The following NOP9 variants were observed in gnomAD, a reference collection of about 807,000 sequenced individuals.
The protein encoded by NOP9 is NOP9 nucleolar protein, also known as nucleolar protein 9.
In NOP9, 50 loss-of-function variants were observed where a neutral mutation model predicts 63.0. That is an observed-to-expected ratio of 0.79 (90% CI 0.63 to 1.00). NOP9 has a LOEUF of 1.00. Ranked by LOEUF, NOP9 falls within the 50% of genes least tolerant of loss-of-function variation. The pLI is 0.00. For synonymous variants in NOP9, 343 were observed against 332.8 expected (o/e 1.03, Z -0.33); for missense variants, 758 against 803.0 (o/e 0.94, Z 0.68).
chr14:24,281,571 A>G, the NOP9 span, among the ~76,000 whole-genome samples: 1 of 152,228 alleles, frequency 6.6e-6, no homozygotes, highest in Admixed American at 6.5e-5. Flanking sequence ...CTCTAACACT[A>G]GTCAAGAGCC....
intron 9 of NOP9, 50 bp downstream of exon 9, chr14:24,304,648 C>T (rs781186930): frequency 7.4e-7 from 1 of 1,355,878 alleles, no homozygotes; most frequent in Non-Finnish European, 1.0e-6. Flanking sequence ...CCCTCTCTTA[C>T]TCCAGATCAC....
At chr14:24,287,692 A>C in the NOP9 span, among the ~76,000 whole-genome samples, 1 of 152,148 alleles carries the variant, frequency 6.6e-6, no homozygotes, top group Non-Finnish European at 1.5e-5. Flanking sequence ...ACAAACAAAC[A>C]AACAAAAAAC....
chr14:24,292,018 G>T, the NOP9 span: 1 of 879,582 alleles, frequency 1.1e-6, no homozygotes, highest in East Asian at 2.5e-5. Context: ...CTGTAGAATG[G>T]AGCTGGTATC....
chr14:24,296,597 C>T, upstream of NOP9: 2 of 1,613,660 alleles, frequency 1.2e-6, no homozygotes, highest in Non-Finnish European at 1.7e-6. Flanking sequence ...GTCTGGAAGG[C>T]ACAGGGAGGG....
At position 24,299,897 on chromosome 14, in the gene NOP9, T is replaced by G; in HGVS notation, c.-58T>G. ...TGGATAAGGCGCACGCTTGGCGACG[T>G]CGAAGGTCCGTCCGCAGTTAAGGAA... On this transcript the variant is annotated 5_prime_UTR_variant, in exon 1 of 10. Transcript: ENST00000267425. 1 of 1,498,732 alleles carries G rather than the reference T, an allele frequency of 6.7e-7. No individual in the cohort carries two copies. Among genetic ancestry groups the G allele is most frequent in the Non-Finnish European group, 8.9e-7 (1 of 1,126,822 alleles). The allele number at this position is 1,498,732 out of a possible 1,614,324, so 92.8% of individuals were successfully genotyped here. A position where few individuals can be genotyped will look rare whatever the true frequency, so the allele number is the denominator to read the frequency against.
At chr14:24,296,922 G>A, upstream of NOP9, 1 of 1,611,654 alleles carries the variant, frequency 6.2e-7, no homozygotes, top group Non-Finnish European at 8.5e-7. Context: ...TTCACACATG[G>A]GTGTGAGTCA....
chr14:24,280,014 G>A, the NOP9 span, among the ~76,000 whole-genome samples: 1 of 152,150 alleles, frequency 6.6e-6, no homozygotes, highest in Non-Finnish European at 1.5e-5. Context: ...CTCCTTTTGG[G>A]GGAGCACTCA....
the NOP9 span, chr14:24,290,882 C>A: frequency 1.2e-6 from 2 of 1,613,764 alleles, no homozygotes; most frequent in Non-Finnish European, 8.5e-7. Context: ...GTGTAGAGGG[C>A]AATAATCCAC....
chr14:24,273,129 A>ATG, the NOP9 span, among the ~76,000 whole-genome samples: 4 of 151,350 alleles, frequency 2.6e-5, no homozygotes, highest in African/African-American at 9.7e-5. Context: ...TCCATGTGGC[A>ATG]TGTGTGTGTT....
the NOP9 span, among the ~76,000 whole-genome samples, chr14:24,289,680 C>T: frequency 6.6e-6 from 1 of 152,230 alleles, no homozygotes. Flanking sequence ...ATAAGCCAGC[C>T]CTCTCTCTAA....
intron 6 of NOP9, 109 bp from the exon 7 acceptor site, chr14:24,303,623 A>T (rs4981501): frequency 0.29 from 329,156 of 1,117,530 alleles, 56,089 homozygotes; most frequent in East Asian, 0.71. Context: ...CATGGAGCTA[A>T]CATTCTTGTG....
chr14:24,299,873 G>A lies in NOP9; in HGVS notation c.-82G>A. On this transcript the variant is annotated 5_prime_UTR_variant, in exon 1 of 10. Coordinates refer to ENST00000267425, the MANE Select transcript of NOP9 (RefSeq NM_174913.3). ...GCGCCCGCGTTTCTAAACTTTGTCT[G>A]GATAAGGCGCACGCTTGGCGACGTC... 1.4e-6 allele frequency: 2 copies of A among 1,465,810 alleles called. No individual in the cohort carries two copies. Among genetic ancestry groups the A allele is most frequent in the Non-Finnish European group, 9.0e-7 (1 of 1,109,362 alleles). 90.8% of individuals were successfully genotyped at this position (1,465,810 alleles called of 1,614,324 possible).
Position 24,307,990 on chromosome 14 carries a change from G to T in NOP9, c.*2895G>T, listed in dbSNP as rs1399792473. 9.6e-6 allele frequency: 8 copies of T among 832,130 alleles called. No individual in the cohort carries two copies. The East Asian group carries it at 2.2e-4, about 22-fold the overall frequency. The allele number at this position is 832,130 out of a possible 1,614,324, so 51.5% of individuals were successfully genotyped here. On this transcript the variant is annotated 3_prime_UTR_variant, in exon 10 of 10. Coordinates refer to ENST00000267425, the MANE Select transcript of NOP9 (RefSeq NM_174913.3). ...ACAAGGTGGGAATGAGTCAAGCCTG[G>T]ACTCTGGCCCCCCTGCCTGGCCAGT...
chr14:24,276,314 T>C, the NOP9 span, among the ~76,000 whole-genome samples: 1 of 150,002 alleles, frequency 6.7e-6, no homozygotes, highest in East Asian at 2.0e-4. Context: ...GAGGTGGAGG[T>C]TGCAGTGAGC....
rs774123412 is a variant in NOP9, at chr14:24,306,488, G to C, written c.*1393G>C. ...CAGTTCCATCCTCCTCTAGCACCAG[G>C]GTTAGCACTCCATTCAGCAGTAGGG... On this transcript the variant is annotated 3_prime_UTR_variant, in exon 10 of 10. Coordinates refer to ENST00000267425, the MANE Select transcript of NOP9 (RefSeq NM_174913.3). 2 of 1,614,212 alleles carry C rather than the reference G, an allele frequency of 1.2e-6. No homozygotes were observed. Among genetic ancestry groups the C allele is most frequent in the South Asian group, 2.2e-5 (2 of 91,084 alleles).
chr14:24,291,107 G>A, the NOP9 span: 2 of 1,613,722 alleles, frequency 1.2e-6, no homozygotes, highest in African/African-American at 1.3e-5. Flanking sequence ...GGGAACAGCA[G>A]TCAAGGCTGA....
chr14:24,292,254 A>G, the NOP9 span: 7 of 1,613,896 alleles, frequency 4.3e-6, no homozygotes, highest in East Asian at 2.2e-5. Flanking sequence ...TGTCTGCACA[A>G]TCCCCGGCCA....
chr14:24,285,539 G>A, the NOP9 span, among the ~76,000 whole-genome samples: 2 of 152,180 alleles, frequency 1.3e-5, no homozygotes, highest in Non-Finnish European at 1.5e-5. Context: ...ATGTTTGCTT[G>A]TAAGGCATGG....
the NOP9 span, among the ~76,000 whole-genome samples, chr14:24,289,477 C>T: frequency 2.0e-5 from 3 of 152,130 alleles, no homozygotes; most frequent in Non-Finnish European, 4.4e-5. Flanking sequence ...GGTCCTGAGG[C>T]CCATCTTCTT....
Sources: gnomAD v4.1 joint callset for allele counts (sites outside exome capture counted in the v4.1 genomes callset) on GRCh38, gnomAD v4.1.1 for gene constraint, MANE v1.5 for transcripts, NCBI Gene and HGNC (gene_info 2026-07-23, HGNC 2026-07-21) for gene names.